The following CEP85L variants were observed in gnomAD, a reference collection of about 807,000 sequenced individuals.
CEP85L encodes the protein centrosomal protein of 85 kDa-like.
In CEP85L, 60 loss-of-function variants were observed where a neutral mutation model predicts 100.3. That is an observed-to-expected ratio of 0.60 (90% CI 0.49 to 0.74). CEP85L has a LOEUF of 0.74. Among genes scored for constraint, CEP85L ranks in the 30% least tolerant of loss-of-function variants. The pLI, the probability that CEP85L is intolerant of heterozygous loss-of-function variation, is 0.00. For missense variants in CEP85L, 973 were observed against 936.2 expected, an observed-to-expected ratio of 1.04 and a Z score of -0.51; for synonymous variants, 319 against 322.7, an observed-to-expected ratio of 0.99 and a Z score of 0.12.
At chr6:118,564,309 G>A (rs1779380782) in intron 3 of CEP85L, among the ~76,000 whole-genome samples, 1 of 152,180 alleles carries the variant, frequency 6.6e-6, no homozygotes. Context: ...TCTGTGTAAA[G>A]ACACCAGCTG....
At chr6:118,630,868 A>T (rs1315283918) in intron 2 of CEP85L, among the ~76,000 whole-genome samples, 2 of 152,182 alleles carry the variant, frequency 1.3e-5, no homozygotes, top group Non-Finnish European at 2.9e-5. Context: ...TTCTCATAGA[A>T]GCACAAACCC....
Position 118,625,270 on chromosome 6 carries a change from A to G in CEP85L, c.232+7183T>C, listed in dbSNP as rs76564449. On this transcript the variant is annotated intron_variant, in intron 2 of 12. Coordinates refer to ENST00000368491, the MANE Select transcript of CEP85L (RefSeq NM_001042475.3). ...GTGCTAACATAGCTTATTGATGTCT[A>G]AAGGGCACCCCAAAAGAGTTATGCT... Among the ~76,000 whole-genome samples, 354 of 152,344 alleles carry G rather than the reference A, an allele frequency of 2.3e-3. 2 individuals are homozygous for G. The highest frequency in any genetic ancestry group is 8.2e-3 in the African/African-American group (343 of 41,578).
rs1562298142 is a variant in CEP85L, at chr6:118,600,367, GT to G, written c.232+32085del. Among the ~76,000 whole-genome samples the G allele has an allele frequency of 9.3e-3, 1,175 of 127,024 alleles. 243 individuals carry two copies. The highest frequency in any genetic ancestry group is 0.023 in the African/African-American group (771 of 34,260). 83.3% of individuals were successfully genotyped at this position (127,024 alleles called of 152,430 possible). A position where few individuals can be genotyped will look rare whatever the true frequency, so the allele number is the denominator to read the frequency against. On this transcript the variant is annotated intron_variant, in intron 2 of 12. Transcript: ENST00000368491. The stretch of plus-strand genomic sequence containing the variant: ...TGTGTGTGTGTGTGTGTGTGTGTGT[GT>G]GTAACGCCATGGAGCAATCTCAGCT...
intron 3 of CEP85L, among the ~76,000 whole-genome samples, chr6:118,539,600 AATTTT>A (rs1777791923): frequency 6.6e-6 from 1 of 152,002 alleles, no homozygotes; most frequent in Non-Finnish European, 1.5e-5. Context: ...TTTTTTGTTA[AATTTT>A]ATTTTAAGTT....
intron 5 of CEP85L, among the ~76,000 whole-genome samples, chr6:118,504,609 G>A (rs1359629573): frequency 1.3e-5 from 2 of 152,104 alleles, no homozygotes; most frequent in Non-Finnish European, 2.9e-5. Flanking sequence ...TATAACAAAT[G>A]GGTTAAGTGT....
intron 5 of CEP85L, among the ~76,000 whole-genome samples, chr6:118,503,297 AAAT>A (rs1158963447): frequency 2.6e-5 from 4 of 152,250 alleles, no homozygotes; most frequent in Non-Finnish European, 5.9e-5. Context: ...AAGAAGAACT[AAAT>A]AAATGAATAG....
intron 2 of CEP85L, among the ~76,000 whole-genome samples, chr6:118,600,300 G>GGTGGGTGT (rs1781684348): frequency 1.9e-5 from 1 of 52,236 alleles, no homozygotes; most frequent in South Asian, 7.0e-4. Flanking sequence ...CCTTCCTGGG[G>GGTGGGTGT]GTGTGTGTGT....
intron 1 of CEP85L, among the ~76,000 whole-genome samples, chr6:118,692,410 T>G (rs1777073773): frequency 6.6e-6 from 1 of 152,106 alleles, no homozygotes; most frequent in African/African-American, 2.4e-5. Context: ...AGGGCATTAG[T>G]TTTTGCCTTT....
chr6:118,524,858 C>T (rs1226309782), intron 3 of CEP85L, among the ~76,000 whole-genome samples: 2 of 152,330 alleles, frequency 1.3e-5, no homozygotes, highest in East Asian at 3.9e-4. Context: ...TGGAGCCCAG[C>T]ATGCGTTCTG....
Position 118,600,349 on chromosome 6 carries a change from G to C in CEP85L, c.232+32104C>G, listed in dbSNP as rs919392274. Reference sequence around the variant, plus strand: ...TGTGTGTGTGTGTGTGTGTGTGTGTGTGTGTGTGTGTGTGTGTGTGTAACG... The same window carrying C: ...TGTGTGTGTGTGTGTGTGTGTGTGTCTGTGTGTGTGTGTGTGTGTGTAACG... On this transcript the variant is annotated intron_variant, in intron 2 of 12. Transcript: ENST00000368491. Among the ~76,000 whole-genome samples the C allele has an allele frequency of 1.6e-3, 223 of 136,146 alleles. 20 individuals carry two copies. The highest frequency in any genetic ancestry group is 6.0e-3 in the African/African-American group (211 of 35,414). 89.3% of individuals were successfully genotyped at this position (136,146 alleles called of 152,430 possible). A position where few individuals can be genotyped will look rare whatever the true frequency, so the allele number is the denominator to read the frequency against.
chr6:118,500,851 ACTT>A (rs1165921241), intron 5 of CEP85L, among the ~76,000 whole-genome samples: 9 of 152,240 alleles, frequency 5.9e-5, no homozygotes, highest in Admixed American at 2.0e-4. Context: ...CATCTGTTCT[ACTT>A]CTTCTTGTTT....
In CEP85L at chr6:118,677,412, C is replaced by T. The variant is rs571248608; in HGVS notation, c.-27-24604G>A. ...GAAGTGTCATTATTTTGTCTGGCTG[C>T]CAGTTGGAGGAGTTGGGAATTGCTT... On this transcript the variant is annotated intron_variant, in intron 1 of 13. Coordinates refer to the CEP85L transcript ENST00000368488. Among the ~76,000 whole-genome samples the T allele has an allele frequency of 4.3e-4, 66 of 152,204 alleles. 1 individual carries two copies. The highest frequency in any genetic ancestry group is 1.6e-3 in the African/African-American group (65 of 41,542).
intron 2 of CEP85L, among the ~76,000 whole-genome samples, chr6:118,584,278 G>C (rs180802794): frequency 4.8e-4 from 73 of 152,292 alleles, no homozygotes; most frequent in Non-Finnish European, 6.6e-4. Context: ...AGTACACCTA[G>C]GCTTAGTGCT....
chr6:118,591,999 G>A (rs914791875), intron 2 of CEP85L, among the ~76,000 whole-genome samples: 4 of 152,170 alleles, frequency 2.6e-5, no homozygotes, highest in Non-Finnish European at 5.9e-5. Flanking sequence ...TTGAAATTAC[G>A]ATTTCACAAG....
intron 2 of CEP85L, among the ~76,000 whole-genome samples, chr6:118,621,164 G>C (rs577910249): frequency 9.1e-4 from 139 of 152,232 alleles, no homozygotes; most frequent in African/African-American, 3.3e-3. Context: ...AAAGCTCAAG[G>C]CTTAGTGAGA....
chr6:118,518,417 T>C (rs2114754775), intron 4 of CEP85L, among the ~76,000 whole-genome samples: 1 of 152,364 alleles, frequency 6.6e-6, no homozygotes, highest in South Asian at 2.1e-4. Context: ...AACTTGTTAT[T>C]GATCCATTCA....
chr6:118,533,160 G>GA (rs776079269), intron 3 of CEP85L, among the ~76,000 whole-genome samples: 15 of 151,630 alleles, frequency 9.9e-5, no homozygotes, highest in Admixed American at 3.9e-4. Context: ...GTTTAAAACA[G>GA]AAAAAAACAG....
chr6:118,621,437 C>T (rs1331120709), intron 2 of CEP85L, among the ~76,000 whole-genome samples: 2 of 152,214 alleles, frequency 1.3e-5, no homozygotes, highest in African/African-American at 4.8e-5. Context: ...ACAGACCACA[C>T]ATCCCGACTT....
chr6:118,637,807 T>C (rs1774606927), intron 1 of CEP85L, among the ~76,000 whole-genome samples: 1 of 148,650 alleles, frequency 6.7e-6, no homozygotes, highest in South Asian at 2.1e-4. Flanking sequence ...TATAAAGAGA[T>C]CATAAGCAAA....
Sources: gnomAD v4.1 joint callset for allele counts (sites outside exome capture counted in the v4.1 genomes callset) on GRCh38, gnomAD v4.1.1 for gene constraint, MANE v1.5 for transcripts, NCBI Gene and HGNC (gene_info 2026-07-23, HGNC 2026-07-21) for gene names.